Variants in PLCB1 observed in about 807,000 individuals in gnomAD.
PLCB1 encodes phospholipase C beta 1, also known as 1-phosphatidylinositol 4,5-bisphosphate phosphodiesterase beta-1.
In PLCB1, 46 loss-of-function variants were observed where a neutral mutation model predicts 161.8. The observed-to-expected ratio is 0.28, with a 90% CI of 0.22 to 0.36. PLCB1 has a LOEUF of 0.36. Among genes scored for constraint, PLCB1 ranks in the 10% least tolerant of loss-of-function variants. PLCB1 has a pLI of 1.00. For missense variants in PLCB1, 1,016 were observed against 1,472.5 expected, an observed-to-expected ratio of 0.69 and a Z score of 5.07; for synonymous variants, 517 against 503.7, an observed-to-expected ratio of 1.03 and a Z score of -0.35.
intron 23 of PLCB1, 52 bp downstream of exon 23, chr20:8,741,625 T>C (rs1293917086): frequency 8.3e-7 from 1 of 1,201,864 alleles, no homozygotes; most frequent in Middle Eastern, 1.9e-4. Flanking sequence ...TCACCACACC[T>C]ACTTGTTGGC....
chr20:8,154,789 A>G (rs2051542892), intron 2 of PLCB1, among the ~76,000 whole-genome samples: 1 of 152,062 alleles, frequency 6.6e-6, no homozygotes, highest in African/African-American at 2.4e-5. Flanking sequence ...TTCTCTGTGT[A>G]TTCTAGATGT....
At chr20:8,874,316 A>G (rs927627822) in intron 31 of PLCB1, among the ~76,000 whole-genome samples, 4 of 151,898 alleles carry the variant, frequency 2.6e-5, no homozygotes, top group African/African-American at 9.7e-5. Flanking sequence ...CTACTGAGAA[A>G]ACAAACTGAA....
At chr20:8,800,221 C>A (rs578174996) in intron 31 of PLCB1, among the ~76,000 whole-genome samples, 1 of 152,194 alleles carries the variant, frequency 6.6e-6, no homozygotes, top group African/African-American at 2.4e-5. Flanking sequence ...TTGCCAAGAA[C>A]AGCATTACAG....
intron 2 of PLCB1, among the ~76,000 whole-genome samples, chr20:8,289,660 T>C (rs1555795656): frequency 6.6e-6 from 1 of 151,436 alleles, no homozygotes; most frequent in Admixed American, 6.6e-5. Flanking sequence ...GATGAAGTTA[T>C]AAGTCAGGTT....
At chr20:8,722,000 C>T (rs1979664687) in intron 14 of PLCB1, among the ~76,000 whole-genome samples, 1 of 152,026 alleles carries the variant, frequency 6.6e-6, no homozygotes, top group Admixed American at 6.6e-5. Flanking sequence ...GTTTGTATAT[C>T]AAAATAGAAT....
chr20:8,651,308 A>G (rs570803298), intron 7 of PLCB1: 6 of 635,812 alleles, frequency 9.4e-6, no homozygotes, highest in African/African-American at 9.2e-5. Flanking sequence ...TTATCAGCCA[A>G]TTATTGTTGT....
intron 3 of PLCB1, among the ~76,000 whole-genome samples, chr20:8,440,514 A>C (rs959267305): frequency 6.6e-6 from 1 of 152,100 alleles, no homozygotes. Context: ...TCCATCAAAC[A>C]CCTTTTAACC....
chr20:8,802,145 C>T (rs1369946051), intron 31 of PLCB1: 1 of 1,609,442 alleles, frequency 6.2e-7, no homozygotes. Flanking sequence ...CTCAAGCTCT[C>T]AAGTGGTGAC....
chr20:8,658,518 T>C lies in PLCB1; in HGVS notation c.696-20T>C. On this transcript the variant is annotated intron_variant, in intron 8 of 31. Coordinates refer to ENST00000338037, the MANE Select transcript of PLCB1 (RefSeq NM_015192.4). ...CTTAGTTTAAAAAATTCTTATTGCT[T>C]GGTTTTTCATTGTTTTTAGTGGTGC... The C allele has an allele frequency of 6.4e-7, 1 of 1,556,422 alleles. No homozygotes were observed. The highest frequency in any genetic ancestry group is 8.7e-7 in the Non-Finnish European group (1 of 1,153,422).
At chr20:8,754,990 T>C (rs1981669142) in intron 23 of PLCB1, among the ~76,000 whole-genome samples, 1 of 152,166 alleles carries the variant, frequency 6.6e-6, no homozygotes, top group Non-Finnish European at 1.5e-5. Flanking sequence ...ATACTGGCAC[T>C]TACCCATCAG....
At chr20:8,722,866 A>G (rs1415307945) in intron 15 of PLCB1, among the ~76,000 whole-genome samples, 1 of 152,092 alleles carries the variant, frequency 6.6e-6, no homozygotes, top group East Asian at 1.9e-4. Flanking sequence ...ATGAAAGATA[A>G]AACACATCCA....
At chr20:8,346,905 T>C (rs1986016210) in intron 2 of PLCB1, among the ~76,000 whole-genome samples, 1 of 152,130 alleles carries the variant, frequency 6.6e-6, no homozygotes, top group South Asian at 2.1e-4. Flanking sequence ...AGATAAGAAG[T>C]AAATGCATAA....
Position 8,827,040 on chromosome 20 carries a change from A to G in PLCB1, c.3423+36779A>G, listed in dbSNP as rs199836937. ...TCAGTTTTGCAAGTTCATTATTTCA[A>G]GCTGTCTAAAGGAGGTATAGGATTT... On this transcript the variant is annotated intron_variant, in intron 31 of 31. Coordinates refer to ENST00000338037, the MANE Select transcript of PLCB1 (RefSeq NM_015192.4). Among the ~76,000 whole-genome samples the G allele has an allele frequency of 4.1e-4, 63 of 152,330 alleles. 1 individual carries two copies. The East Asian group carries it at 0.011, about 27-fold the overall frequency.
At chr20:8,551,117 C>T (rs1389799491) in intron 3 of PLCB1, among the ~76,000 whole-genome samples, 1 of 152,112 alleles carries the variant, frequency 6.6e-6, no homozygotes, top group East Asian at 1.9e-4. Flanking sequence ...CATCATAAAT[C>T]ACTCATAAAT....
chr20:8,718,709 G>A (rs1340566561), intron 14 of PLCB1, among the ~76,000 whole-genome samples: 1 of 152,148 alleles, frequency 6.6e-6, no homozygotes, highest in Non-Finnish European at 1.5e-5. Flanking sequence ...CTTTTATCAT[G>A]CAAGCTAACA....
rs1568492992 is a variant in PLCB1 at position 8,523,492 on chromosome 20, CTCTCTATATATATAT to C, written c.247-104801_247-104787del. Among the ~76,000 whole-genome samples, 46 of 61,856 alleles carry C rather than the reference CTCTCTATATATATAT, an allele frequency of 7.4e-4. 4 individuals are homozygous for C. The highest frequency in any genetic ancestry group is 9.1e-4 in the Admixed American group (5 of 5,512). 40.6% of individuals were successfully genotyped at this position (61,856 alleles called of 152,430 possible). ...TCTCTCTCTCTCTCTCTCTCTCTCT[CTCTCTATATATATAT>C]ATATATATATATATGGAGAGAGACA... On this transcript the variant is annotated intron_variant, in intron 3 of 31. Transcript: ENST00000338037.
chr20:8,292,409 G>A (rs769518330), intron 2 of PLCB1, among the ~76,000 whole-genome samples: 1 of 152,136 alleles, frequency 6.6e-6, no homozygotes, highest in Non-Finnish European at 1.5e-5. Context: ...GTCTCAAGAA[G>A]TAGAAGGCCT....
At chr20:8,364,273 T>C (rs1986637060) in intron 2 of PLCB1, among the ~76,000 whole-genome samples, 1 of 152,206 alleles carries the variant, frequency 6.6e-6, no homozygotes. Context: ...AATGAAAAGT[T>C]ATCTTCCACA....
intron 1 of PLCB1, among the ~76,000 whole-genome samples, chr20:8,143,242 C>G (rs1299802155): frequency 6.6e-6 from 1 of 152,132 alleles, no homozygotes; most frequent in East Asian, 1.9e-4. Flanking sequence ...TACCTCCTAC[C>G]TACTTCTTCT....
Sources: allele counts gnomAD v4.1 joint callset (sites outside exome capture counted in the v4.1 genomes callset), GRCh38; gene constraint gnomAD v4.1.1; transcripts MANE v1.5; gene names NCBI Gene and HGNC (gene_info 2026-07-23, HGNC 2026-07-21).